COBLL1: variants seen among roughly 807,000 people sequenced by gnomAD.
The protein encoded by COBLL1 is cordon-bleu WH2 repeat protein like 1.
Under a neutral mutation model 94.8 loss-of-function variants are expected in COBLL1, and 50 were observed. That is an observed-to-expected ratio of 0.53 (90% CI 0.42 to 0.67). COBLL1 has a LOEUF of 0.67. Ranked by LOEUF, COBLL1 falls within the 30% of genes least tolerant of loss-of-function variation. The probability of loss-of-function intolerance (pLI) is 0.00; values close to 1 mark genes in which losing one functional copy is unlikely to be tolerated. For synonymous variants in COBLL1, 448 were observed against 473.8 expected (o/e 0.95, Z 0.71); for missense variants, 1,362 against 1,348.7 (o/e 1.01, Z -0.15).
chr2:164,742,474 G>A (rs1302021146), intron 3 of COBLL1, among the ~76,000 whole-genome samples: 1 of 151,856 alleles, frequency 6.6e-6, no homozygotes, highest in Admixed American at 6.6e-5. Context: ...TGATGATAAT[G>A]GCCATTGTCT....
At chr2:164,668,960 C>T (rs1340085797) in intron 1 of COBLL1, among the ~76,000 whole-genome samples, 1 of 152,208 alleles carries the variant, frequency 6.6e-6, no homozygotes, top group African/African-American at 2.4e-5. Context: ...TGAACATTTA[C>T]AGTACATTTA....
chr2:164,836,891 G>A (rs1683341191), intron 2 of COBLL1, among the ~76,000 whole-genome samples: 1 of 152,186 alleles, frequency 6.6e-6, no homozygotes, highest in Non-Finnish European at 1.5e-5. Flanking sequence ...ATTAAAATCA[G>A]AATGGGTGGG....
intron 4 of COBLL1, among the ~76,000 whole-genome samples, chr2:164,729,300 CATA>C (rs1685865770): frequency 6.6e-6 from 1 of 151,530 alleles, no homozygotes; most frequent in Admixed American, 6.6e-5. Context: ...GGTTGATGTT[CATA>C]ATGAGAGTAT....
chr2:164,735,024 G>A (rs1286241203), intron 3 of COBLL1, among the ~76,000 whole-genome samples: 1 of 152,160 alleles, frequency 6.6e-6, no homozygotes, highest in Admixed American at 6.5e-5. Context: ...CACAGGAAGT[G>A]GAACAGGGGT....
intron 9 of COBLL1, among the ~76,000 whole-genome samples, chr2:164,702,369 C>T (rs1398245967): frequency 4.0e-5 from 6 of 151,596 alleles, no homozygotes; most frequent in Admixed American, 3.3e-4. Context: ...CGAGACCATC[C>T]TGGCCAACAT....
intron 2 of COBLL1, among the ~76,000 whole-genome samples, chr2:164,833,540 T>C (rs1683180786): frequency 1.3e-5 from 2 of 148,540 alleles, no homozygotes; most frequent in African/African-American, 2.5e-5. Flanking sequence ...AAGCTCCGCC[T>C]CCCGGGTTCA....
intron 3 of COBLL1, among the ~76,000 whole-genome samples, chr2:164,732,560 AGAG>A (rs1302491596): frequency 1.3e-5 from 2 of 152,224 alleles, no homozygotes; most frequent in Non-Finnish European, 2.9e-5. Flanking sequence ...CTGGAAGAGA[AGAG>A]AACTTTCATT....
At chr2:164,712,365 G>A (rs1339077338) in intron 7 of COBLL1, among the ~76,000 whole-genome samples, 4 of 152,096 alleles carry the variant, frequency 2.6e-5, no homozygotes, top group Admixed American at 6.6e-5. Flanking sequence ...ATTTTCACAG[G>A]TGGAAAAGGG....
rs144760345 is a variant in COBLL1 at position 164,800,818 on chromosome 2, T to C, written c.41+40338A>G. On this transcript the variant is annotated intron_variant, in intron 2 of 13. Coordinates refer to ENST00000652658, the MANE Select transcript of COBLL1 (RefSeq NM_001365672.2). ...TCTCAAAAGGTTGCATACTGTATGGTTCTATTTTTAAGACATTCATAAAAA... is the reference window on the plus strand; with the variant it reads ...TCTCAAAAGGTTGCATACTGTATGGCTCTATTTTTAAGACATTCATAAAAA... 4.5e-3 allele frequency among the ~76,000 whole-genome samples: 679 copies of C among 152,022 alleles called. 2 individuals are homozygous for C. Among genetic ancestry groups the C allele is most frequent in the African/African-American group, 0.015 (618 of 41,550 alleles).
At chr2:164,820,777 A>G (rs1685127198) in intron 2 of COBLL1, among the ~76,000 whole-genome samples, 1 of 152,172 alleles carries the variant, frequency 6.6e-6, no homozygotes, top group Non-Finnish European at 1.5e-5. Flanking sequence ...GCAGTTTATG[A>G]GCAGTGGTAA....
At chr2:164,749,543 A>T (rs1003949803) in intron 2 of COBLL1, among the ~76,000 whole-genome samples, 1 of 152,190 alleles carries the variant, frequency 6.6e-6, no homozygotes, top group African/African-American at 2.4e-5. Flanking sequence ...TTGAAGACCA[A>T]TTTCTCAACA....
At position 164,700,588 on chromosome 2, in the gene COBLL1, T is replaced by C. The variant is rs762053585; in HGVS notation, c.1394A>G (p.Asn465Ser). The C allele has an allele frequency of 1.9e-6, 3 of 1,613,912 alleles. No homozygotes were observed. Among genetic ancestry groups the C allele is most frequent in the African/African-American group, 1.3e-5 (1 of 75,054 alleles). Reference sequence around the variant, plus strand: ...GTTTTGTGAGAACTCTCCACTACCATTGCCAAGGGCTGAGTCAGGATCATT... The same window carrying C: ...GTTTTGTGAGAACTCTCCACTACCACTGCCAAGGGCTGAGTCAGGATCATT... Reference protein sequence around the residue: ...LKNDPDSALGNGSGEFSQNSM... With the variant: ...LKNDPDSALGSGSGEFSQNSM... Residue 465 changes from asparagine to serine, a missense_variant, in exon 10 of 14, where the codon AAT becomes AGT. Asn to Ser is a conservative substitution (Grantham distance 46). Transcript: ENST00000652658.
intron 2 of COBLL1, among the ~76,000 whole-genome samples, chr2:164,820,617 T>C (rs1685116304): frequency 1.3e-5 from 2 of 152,230 alleles, no homozygotes; most frequent in East Asian, 1.9e-4. Context: ...AAAATAGTAA[T>C]GTATTCATAC....
At chr2:164,678,267 C>A (rs777338162), downstream of COBLL1, among the ~76,000 whole-genome samples, 9 of 151,986 alleles carry the variant, frequency 5.9e-5, no homozygotes, top group Middle Eastern at 3.4e-3. Context: ...ACCAATGGAA[C>A]AGGAAAATAA....
chr2:164,710,313 G>A (rs762684733), intron 7 of COBLL1, among the ~76,000 whole-genome samples: 4 of 152,120 alleles, frequency 2.6e-5, no homozygotes, highest in East Asian at 1.9e-4. Flanking sequence ...AGGAGACTTC[G>A]ATATTTCTAA....
At chr2:164,665,338 A>AAAAAGAAAG (rs1294217691) in intron 2 of COBLL1, among the ~76,000 whole-genome samples, 1 of 147,976 alleles carries the variant, frequency 6.8e-6, no homozygotes, top group East Asian at 2.0e-4. Flanking sequence ...GTCAAAAAAA[A>AAAAAGAAAG]AAAGAAAGAA....
chr2:164,759,926 C>T (rs1165263779), intron 2 of COBLL1, among the ~76,000 whole-genome samples: 1 of 152,180 alleles, frequency 6.6e-6, no homozygotes, highest in Non-Finnish European at 1.5e-5. Flanking sequence ...GAAACTGGCT[C>T]TCTCATATGT....
In COBLL1 at chr2:164,728,099, A is replaced by G. The variant is rs1685809032; in HGVS notation, c.531T>C (p.Cys177=). ...GCAACGGATCAAACTCACATTTGCT[A>G]CATATAATAGGGGCAAGCTCTTGAA... ...ASLQELAPII[C]SKCEFDPLHT... Residue 177 remains cysteine, a synonymous_variant, in exon 5 of 14, where the codon TGT becomes TGC. Transcript: ENST00000652658. The G allele has an allele frequency of 3.1e-6, 5 of 1,613,634 alleles. No individual in the cohort carries two copies. Among genetic ancestry groups the G allele is most frequent in the Non-Finnish European group, 4.2e-6 (5 of 1,179,586 alleles).
At chr2:164,751,135 G>A (rs1429310107) in intron 2 of COBLL1, among the ~76,000 whole-genome samples, 1 of 151,980 alleles carries the variant, frequency 6.6e-6, no homozygotes, top group Non-Finnish European at 1.5e-5. Flanking sequence ...CCTCCTCTTA[G>A]AGGTATTCTC....
Sources: gnomAD v4.1 joint callset for allele counts (sites outside exome capture counted in the v4.1 genomes callset) on GRCh38, gnomAD v4.1.1 for gene constraint, MANE v1.5 for transcripts, NCBI Gene and HGNC (gene_info 2026-07-23, HGNC 2026-07-21) for gene names.